CSMD1: variants seen among roughly 807,000 people sequenced by gnomAD.
The protein encoded by CSMD1 is CUB and sushi domain-containing protein 1.
A neutral mutation model predicts 417.5 loss-of-function variants in CSMD1; 213 were observed. That is an observed-to-expected ratio of 0.51 (90% CI 0.46 to 0.57). The LOEUF (loss-of-function observed/expected upper bound fraction) is 0.57. CSMD1 is among the 20% of genes least tolerant of loss of function. CSMD1 has a pLI of 0.00. For missense variants in CSMD1, 6,923 were observed against 4,529.7 expected (o/e 1.53, Z -15.17); for synonymous variants, 2,862 against 1,736.8 (o/e 1.65, Z -16.11).
chr8:3,837,887 T>A (rs1449605422), intron 5 of CSMD1, among the ~76,000 whole-genome samples: 1 of 152,178 alleles, frequency 6.6e-6, no homozygotes, highest in Non-Finnish European at 1.5e-5. Flanking sequence ...GTTTTCATTT[T>A]CTTCTGTCAC....
chr8:4,817,612 T>C (rs17071537), intron 1 of CSMD1, among the ~76,000 whole-genome samples: 38,008 of 152,186 alleles, frequency 0.25, 4,941 homozygotes, highest in East Asian at 0.29. Flanking sequence ...AATACAATTT[T>C]TGAATCAAAG....
intron 1 of CSMD1, among the ~76,000 whole-genome samples, chr8:4,816,938 G>A (rs899049956): frequency 6.6e-6 from 1 of 152,118 alleles, no homozygotes; most frequent in Non-Finnish European, 1.5e-5. Context: ...GCCAGAAAGG[G>A]AATTGCATTG....
At chr8:2,946,476 T>C (rs192012633) in intron 68 of CSMD1, among the ~76,000 whole-genome samples, 283 of 152,336 alleles carry the variant, frequency 1.9e-3, no homozygotes, top group Middle Eastern at 0.017. Flanking sequence ...TCTCCTGTAA[T>C]GGATTCATAG....
intron 2 of CSMD1, among the ~76,000 whole-genome samples, chr8:4,582,092 T>C (rs1045439677): frequency 4.6e-5 from 7 of 152,158 alleles, no homozygotes; most frequent in Admixed American, 6.5e-5. Flanking sequence ...TTGGTTTGTT[T>C]TGTTTTTATT....
At chr8:4,666,688 ATTT>A (rs1235440514) in intron 1 of CSMD1, among the ~76,000 whole-genome samples, 1 of 152,306 alleles carries the variant, frequency 6.6e-6, no homozygotes, top group East Asian at 1.9e-4. Context: ...GTGTCCAAAT[ATTT>A]TTTATTTTAA....
At chr8:4,765,152 G>C (rs140948587) in intron 1 of CSMD1, among the ~76,000 whole-genome samples, 37 of 152,150 alleles carry the variant, frequency 2.4e-4, no homozygotes, top group African/African-American at 8.0e-4. Context: ...AGTTAATATA[G>C]CTCGTGACTT....
intron 3 of CSMD1, among the ~76,000 whole-genome samples, chr8:4,222,341 T>C (rs1331747683): frequency 1.3e-5 from 2 of 150,982 alleles, no homozygotes; most frequent in Admixed American, 1.3e-4. Flanking sequence ...GTATCAGTGT[T>C]TTGCCTCAGT....
chr8:3,236,863 T>C (rs571587904), intron 26 of CSMD1, among the ~76,000 whole-genome samples: 2 of 152,264 alleles, frequency 1.3e-5, no homozygotes, highest in Non-Finnish European at 1.5e-5. Context: ...GGCAGCGCTG[T>C]TCCTGAGATT....
At chr8:3,506,370 A>C (rs1796827806) in intron 10 of CSMD1, among the ~76,000 whole-genome samples, 1 of 152,136 alleles carries the variant, frequency 6.6e-6, no homozygotes, top group South Asian at 2.1e-4. Flanking sequence ...TAACAAGAAC[A>C]CTGGAGGTAG....
At chr8:3,936,564 A>T (rs1829857) in intron 5 of CSMD1, among the ~76,000 whole-genome samples, 121,037 of 152,142 alleles carry the variant, frequency 0.8, 48,274 homozygotes, top group African/African-American at 0.82. Context: ...AAAGCCGGGA[A>T]GATAGCACAT....
chr8:4,542,042 C>T (rs1413798931), intron 2 of CSMD1, among the ~76,000 whole-genome samples: 1 of 152,092 alleles, frequency 6.6e-6, no homozygotes, highest in African/African-American at 2.4e-5. Context: ...GTCCCAGAGC[C>T]TGAAGTCCCC....
intron 3 of CSMD1, among the ~76,000 whole-genome samples, chr8:4,324,729 G>A (rs1478131962): frequency 1.3e-5 from 2 of 152,166 alleles, no homozygotes; most frequent in Non-Finnish European, 2.9e-5. Flanking sequence ...TGTTATATAT[G>A]GATGAAGGGT....
At chr8:4,020,490 T>A (rs1443581508) in intron 4 of CSMD1, among the ~76,000 whole-genome samples, 1 of 152,220 alleles carries the variant, frequency 6.6e-6, no homozygotes, top group Non-Finnish European at 1.5e-5. Flanking sequence ...TCAGGCTGCC[T>A]GGGTCCAGAT....
At chr8:4,799,968 C>A (rs549973707) in intron 1 of CSMD1, among the ~76,000 whole-genome samples, 1 of 151,308 alleles carries the variant, frequency 6.6e-6, no homozygotes, top group Admixed American at 6.6e-5. Context: ...TACACTGATG[C>A]TTCTCATTTT....
chr8:4,172,749 G>C (rs903917710), intron 3 of CSMD1, among the ~76,000 whole-genome samples: 2 of 152,110 alleles, frequency 1.3e-5, no homozygotes, highest in Non-Finnish European at 2.9e-5. Flanking sequence ...AAAGACTGTG[G>C]CTTCCACCTC....
At chr8:3,961,191 T>C (rs137912901) in intron 5 of CSMD1, among the ~76,000 whole-genome samples, 1,829 of 152,304 alleles carry the variant, frequency 0.012, 12 homozygotes, top group Non-Finnish European at 0.019. Context: ...CCTATAAGCA[T>C]GAAAGTCATT....
intron 10 of CSMD1, among the ~76,000 whole-genome samples, chr8:3,540,698 A>G (rs1453818678): frequency 6.6e-6 from 1 of 152,194 alleles, no homozygotes; most frequent in Non-Finnish European, 1.5e-5. Context: ...AAAAAAACAA[A>G]CAATCCCATT....
intron 3 of CSMD1, among the ~76,000 whole-genome samples, chr8:4,401,670 C>T (rs1804653273): frequency 6.6e-6 from 1 of 152,132 alleles, no homozygotes; most frequent in African/African-American, 2.4e-5. Context: ...TTATTCTCAT[C>T]CCAAATACCG....
intron 3 of CSMD1, among the ~76,000 whole-genome samples, chr8:4,120,571 C>T (rs369027163): frequency 6.6e-6 from 1 of 152,198 alleles, no homozygotes; most frequent in African/African-American, 2.4e-5. Flanking sequence ...GACCGGGAGG[C>T]TTTCAAATGG....
Sources: allele counts gnomAD v4.1 joint callset (sites outside exome capture counted in the v4.1 genomes callset), GRCh38; gene constraint gnomAD v4.1.1; transcripts MANE v1.5; gene names NCBI Gene and HGNC (gene_info 2026-07-23, HGNC 2026-07-21).